Variants in SYNJ2 observed in about 807,000 individuals in gnomAD.
The protein encoded by SYNJ2 is polyphosphatidylinositol phosphatase SYNJ2.
In SYNJ2, 116 loss-of-function variants were observed where a neutral mutation model predicts 141.3. The ratio of observed to expected loss-of-function variants is 0.82; its 90% CI spans 0.71 to 0.96. The LOEUF (loss-of-function observed/expected upper bound fraction) is 0.96, where lower values mean the gene tolerates loss of function less well. Among genes scored for constraint, SYNJ2 ranks in the 40% least tolerant of loss-of-function variants. SYNJ2 has a pLI of 0.00. For missense variants in SYNJ2, 1,873 were observed against 1,934.8 expected, an observed-to-expected ratio of 0.97 and a Z score of 0.60; for synonymous variants, 745 against 777.7, an observed-to-expected ratio of 0.96 and a Z score of 0.70.
At chr6:157,993,710 CTTTTTTTTTTT>C (rs34971762) in intron 1 of SYNJ2, among the ~76,000 whole-genome samples, 1 of 40,558 alleles carries the variant, frequency 2.5e-5, no homozygotes, top group African/African-American at 1.1e-4. Context: ...TCTTGCATAG[CTTTTTTTTTTT>C]TTTTTTTTTT....
rs576501672 is a variant in SYNJ2 at position 158,098,781 on chromosome 6, C to T, written c.*2417C>T. On this transcript the variant is annotated 3_prime_UTR_variant, in exon 27 of 27. Coordinates refer to ENST00000355585, the MANE Select transcript of SYNJ2 (RefSeq NM_003898.4). ...TGCTGTTCTCTAACATGGTGCAGTTCACGCAGACTGGTTTAGGTACTTCAC... is the reference window on the plus strand; with the variant it reads ...TGCTGTTCTCTAACATGGTGCAGTTTACGCAGACTGGTTTAGGTACTTCAC... The T allele has an allele frequency of 5.3e-5, 8 of 152,162 alleles. No individual in the cohort carries two copies. The highest frequency in any genetic ancestry group is 1.9e-4 in the African/African-American group (8 of 41,422). The allele number at this position is 152,162 out of a possible 1,614,324, so 9.4% of individuals were successfully genotyped here.
At chr6:158,074,796 T>C in intron 16 of SYNJ2, 58 bp downstream of exon 16, 1 of 1,583,566 alleles carries the variant, frequency 6.3e-7, no homozygotes, top group Non-Finnish European at 8.6e-7. Flanking sequence ...ATGACATCTG[T>C]GAGATGTAGA....
intron 1 of SYNJ2, among the ~76,000 whole-genome samples, chr6:157,996,701 C>A (rs1343598264): frequency 6.6e-6 from 1 of 152,170 alleles, no homozygotes; most frequent in African/African-American, 2.4e-5. Flanking sequence ...CACCATCCCC[C>A]CTGGGGTTAT....
chr6:158,047,083 T>C (rs1450506682), intron 5 of SYNJ2, among the ~76,000 whole-genome samples: 1 of 152,184 alleles, frequency 6.6e-6, no homozygotes, highest in Non-Finnish European at 1.5e-5. Flanking sequence ...TGGGCTTGTG[T>C]GTTTGTACCT....
At chr6:157,985,325 G>C (rs1383938830) in intron 1 of SYNJ2, among the ~76,000 whole-genome samples, 1 of 152,248 alleles carries the variant, frequency 6.6e-6, no homozygotes, top group Non-Finnish European at 1.5e-5. Flanking sequence ...ATTGTTGAAG[G>C]AATTATTCCA....
intron 12 of SYNJ2, chr6:158,067,520 A>G (rs1781641945): frequency 3.0e-6 from 3 of 985,446 alleles, no homozygotes; most frequent in Non-Finnish European, 3.6e-6. Flanking sequence ...AGAATAAATG[A>G]TTCTTGTCCA....
chr6:158,039,290 C>T (rs1264616062), intron 4 of SYNJ2, among the ~76,000 whole-genome samples: 1 of 152,260 alleles, frequency 6.6e-6, no homozygotes, highest in Non-Finnish European at 1.5e-5. Context: ...AAGCGGCAGC[C>T]CCGCTGCCCT....
intron 2 of SYNJ2, 50 bp from the exon 3 acceptor site, chr6:158,028,706 C>A (rs549065980): frequency 2.5e-6 from 4 of 1,589,388 alleles, no homozygotes; most frequent in East Asian, 2.2e-5. Flanking sequence ...GAGCTCCAGG[C>A]GGCCGGGCCG....
chr6:158,010,808 G>C (rs563012303), intron 1 of SYNJ2, among the ~76,000 whole-genome samples: 53 of 150,266 alleles, frequency 3.5e-4, no homozygotes, highest in African/African-American at 1.2e-3. Flanking sequence ...GCCACGTGAT[G>C]ATGGGGGGGA....
chr6:157,982,008 A>AG lies in SYNJ2; in HGVS notation c.52dup (p.Asp18GlyfsTer3). The AG allele has an allele frequency of 3.9e-6, 5 of 1,294,968 alleles. No homozygotes were observed. Among genetic ancestry groups the AG allele is most frequent in the Non-Finnish European group, 4.9e-6 (5 of 1,023,558 alleles). The allele number at this position is 1,294,968 out of a possible 1,614,324, so 80.2% of individuals were successfully genotyped here. A position where few individuals can be genotyped will look rare whatever the true frequency, so the allele number is the denominator to read the frequency against. On this transcript the variant is annotated frameshift_variant, in exon 1 of 27. Coordinates refer to ENST00000355585, the MANE Select transcript of SYNJ2 (RefSeq NM_003898.4). LOFTEE classifies it high-confidence loss of function. This position sits in a 1 kb window ranked among gnomAD's most constrained non-coding sequence, Gnocchi z 4.0. ...CGGCTGCTGGGGCGCCTGGGGGCCGAGGGGGACTGTAGCGTGCTGCTGGAG... is the reference window on the plus strand; with the variant it reads ...CGGCTGCTGGGGCGCCTGGGGGCCGAGGGGGGACTGTAGCGTGCTGCTGGAG...
intron 1 of SYNJ2, among the ~76,000 whole-genome samples, chr6:158,013,051 G>A (rs151241197): frequency 6.6e-6 from 1 of 152,276 alleles, no homozygotes; most frequent in African/African-American, 2.4e-5. Context: ...TGTTGAAAAT[G>A]GGATTTTAGC....
chr6:158,066,642 G>A lies in SYNJ2; in HGVS notation c.1717+7G>A, dbSNP rs1477892630. On this transcript the variant is annotated splice_region_variant and intron_variant, in intron 12 of 26. Transcript: ENST00000355585. ...GGAGCTACCGACTCCCAGGGTGAGG[G>A]CAGTGACTTTGGGGGAGACAAAATC... 3.7e-6 allele frequency: 6 copies of A among 1,612,568 alleles called. No individual in the cohort carries two copies. Among genetic ancestry groups the A allele is most frequent in the Admixed American group, 1.7e-5 (1 of 60,008 alleles).
At position 158,064,831 on chromosome 6, in the gene SYNJ2, G is replaced by A. The variant is rs1258832753; in HGVS notation, c.1365G>A (p.Gly455=). 4.4e-6 allele frequency: 7 copies of A among 1,608,468 alleles called. No homozygotes were observed. In the African/African-American group the frequency reaches 5.3e-5, roughly 12 times the overall value. Residue 455 remains glycine (G), a synonymous_variant, in exon 11 of 27, where the codon GGG becomes GGA. Coordinates refer to ENST00000355585, the MANE Select transcript of SYNJ2 (RefSeq NM_003898.4). The part of the protein sequence containing the change: ...SRALEGKAKV[G]KLKDGARSMS... ...GCGGTCTGGGCTCTCGGCAGGTGGGGAAGCTGAAGGATGGAGCCCGGTCCA... is the reference window on the plus strand; with the variant it reads ...GCGGTCTGGGCTCTCGGCAGGTGGGAAAGCTGAAGGATGGAGCCCGGTCCA...
rs75150283 is a variant in SYNJ2, at chr6:158,074,678, C to G, written c.2232C>G (p.Arg744=). ...TYEEVFYFVK[R]QDWKKLLEFD... ...AAGAAGTCTTCTATTTTGTTAAACG[C>G]CAAGACTGGAAGAAACTTCTGGAAT... The change falls in exon 16 of 27, where the codon CGC becomes CGG. Residue 744 remains arginine, a synonymous_variant. Transcript: ENST00000355585. 1.7e-4 allele frequency: 271 copies of G among 1,613,984 alleles called. 3 individuals are homozygous for G. The East Asian group carries it at 4.5e-3, about 27-fold the overall frequency.
At chr6:158,018,346 C>T (rs1465234505) in intron 2 of SYNJ2, among the ~76,000 whole-genome samples, 1 of 152,202 alleles carries the variant, frequency 6.6e-6, no homozygotes, top group African/African-American at 2.4e-5. Context: ...TCTCTTGTGA[C>T]TTCTGGGGCC....
At position 158,066,694 on chromosome 6, in the gene SYNJ2, G is replaced by A. The variant is rs764257022; in HGVS notation, c.1717+59G>A. 40 of 1,569,794 alleles carry A rather than the reference G, an allele frequency of 2.5e-5. 1 individual carries two copies. Among genetic ancestry groups the A allele is most frequent in the South Asian group, 5.6e-5 (5 of 89,318 alleles). On this transcript the variant is annotated intron_variant, in intron 12 of 26. Transcript: ENST00000355585. ...AATTGCACCTAACCTGACATGTCACGCTTGACCCTTTAGTGGCCATCGTCT... is the reference window on the plus strand; with the variant it reads ...AATTGCACCTAACCTGACATGTCACACTTGACCCTTTAGTGGCCATCGTCT...
chr6:158,074,148 G>A (rs923783835), intron 15 of SYNJ2, among the ~76,000 whole-genome samples: 1 of 152,090 alleles, frequency 6.6e-6, no homozygotes, highest in African/African-American at 2.4e-5. Context: ...ACCTGAAAAA[G>A]CTCAGGAAGT....
intron 6 of SYNJ2, 79 bp downstream of exon 6, chr6:158,055,107 G>A (rs1346144469): frequency 6.6e-6 from 10 of 1,511,982 alleles, no homozygotes; most frequent in Non-Finnish European, 8.2e-6. Context: ...AAGGGAGAGG[G>A]TGCGACGGGA....
Position 158,064,897 on chromosome 6 carries a change from G to A in SYNJ2, c.1431G>A (p.Lys477=). 1 of 1,613,846 alleles carries A rather than the reference G, an allele frequency of 6.2e-7. No individual in the cohort carries two copies. Among genetic ancestry groups the A allele is most frequent in the South Asian group, 1.1e-5 (1 of 91,000 alleles). ...AGTCCAACTTCTTCGACGGGGTGAA[G>A]CAGGAGGCCATCAAGCTGCTGCTGG... ...TIQSNFFDGV[K]QEAIKLLLVG... Residue 477 remains lysine, a synonymous_variant, in exon 11 of 27, where the codon AAG becomes AAA. Transcript: ENST00000355585.
Sources: gnomAD v4.1 joint callset for allele counts (sites outside exome capture counted in the v4.1 genomes callset) on GRCh38, gnomAD v4.1.1 for gene constraint, Gnocchi (gnomAD v3.1) non-coding constraint, MANE v1.5 for transcripts, NCBI Gene and HGNC (gene_info 2026-07-23, HGNC 2026-07-21) for gene names.